The following AGBL4 variants were observed in gnomAD, a reference collection of about 807,000 sequenced individuals.
The protein encoded by AGBL4 is cytosolic carboxypeptidase 6.
AGBL4 carries 58 observed loss-of-function variants against 66.4 expected under a neutral mutation model. The observed-to-expected ratio is 0.87, with a 90% CI of 0.71 to 1.09. AGBL4 has a LOEUF of 1.09. Ranked by LOEUF, AGBL4 falls within the 50% of genes least tolerant of loss-of-function variation. The probability of loss-of-function intolerance (pLI) is 0.00; values close to 1 mark genes in which losing one functional copy is unlikely to be tolerated. For missense variants in AGBL4, 579 were observed against 631.0 expected (o/e 0.92, Z 0.88); for synonymous variants, 234 against 222.9 (o/e 1.05, Z -0.44).
intron 4 of AGBL4, among the ~76,000 whole-genome samples, chr1:49,201,958 G>C (rs532955097): frequency 6.6e-6 from 1 of 151,116 alleles, no homozygotes; most frequent in South Asian, 2.1e-4. Flanking sequence ...CAACCAATGA[G>C]TACCAAAAAA....
chr1:48,878,732 G>A (rs1020332336), intron 5 of AGBL4, among the ~76,000 whole-genome samples: 1 of 152,130 alleles, frequency 6.6e-6, no homozygotes, highest in African/African-American at 2.4e-5. Flanking sequence ...TCTCAGTCAT[G>A]TTTGCTGAAT....
At chr1:49,802,342 G>A (rs1454055125) in intron 2 of AGBL4, among the ~76,000 whole-genome samples, 1 of 152,142 alleles carries the variant, frequency 6.6e-6, no homozygotes, top group Non-Finnish European at 1.5e-5. Flanking sequence ...CCTCTTTAGG[G>A]TTAAGGCATA....
At chr1:49,037,022 G>C (rs1001919006) in intron 5 of AGBL4, among the ~76,000 whole-genome samples, 3 of 151,748 alleles carry the variant, frequency 2.0e-5, no homozygotes, top group Non-Finnish European at 2.9e-5. Context: ...GAAGTTTCTC[G>C]AACGTTAAAA....
chr1:49,356,672 T>C (rs80344104), intron 3 of AGBL4, among the ~76,000 whole-genome samples: 12,221 of 152,184 alleles, frequency 0.08, 686 homozygotes, highest in African/African-American at 0.17. Context: ...AACATCAGGA[T>C]TGATGGGCCC....
intron 5 of AGBL4, among the ~76,000 whole-genome samples, chr1:49,003,227 G>T (rs562122227): frequency 6.6e-6 from 1 of 152,008 alleles, no homozygotes; most frequent in African/African-American, 2.4e-5. Context: ...GTGAAACCCC[G>T]TCTCTACTAA....
At chr1:49,571,505 AAT>A (rs1644330365) in intron 3 of AGBL4, among the ~76,000 whole-genome samples, 1 of 152,094 alleles carries the variant, frequency 6.6e-6, no homozygotes, top group Non-Finnish European at 1.5e-5. Context: ...AATATAAGGT[AAT>A]ATCATCAGCA....
At chr1:48,621,128 T>C (rs905022543) in intron 9 of AGBL4, among the ~76,000 whole-genome samples, 7 of 152,188 alleles carry the variant, frequency 4.6e-5, no homozygotes, top group African/African-American at 1.2e-4. Flanking sequence ...AAATTCCCTA[T>C]TGTACTTACA....
chr1:48,989,269 C>T (rs901743691), intron 5 of AGBL4, among the ~76,000 whole-genome samples: 28 of 152,028 alleles, frequency 1.8e-4, no homozygotes, highest in South Asian at 1.0e-3. Context: ...TATATATTTA[C>T]GGGGTACATG....
intron 3 of AGBL4, among the ~76,000 whole-genome samples, chr1:49,383,910 C>A (rs1344109940): frequency 6.6e-6 from 1 of 151,986 alleles, no homozygotes; most frequent in Admixed American, 6.6e-5. Context: ...GATTCCCCTG[C>A]CTCAGCCTCC....
chr1:48,615,885 G>C (rs549448939), intron 9 of AGBL4, among the ~76,000 whole-genome samples: 1 of 152,182 alleles, frequency 6.6e-6, no homozygotes, highest in South Asian at 2.1e-4. Flanking sequence ...TCAGTGTCTG[G>C]TGAGGACCTG....
At chr1:49,947,459 A>T (rs1273085606) in intron 1 of AGBL4, among the ~76,000 whole-genome samples, 1 of 152,014 alleles carries the variant, frequency 6.6e-6, no homozygotes, top group African/African-American at 2.4e-5. Flanking sequence ...TCATCTTAAT[A>T]GATGCAGCAA....
At chr1:48,705,604 T>C (rs1487498393) in intron 6 of AGBL4, among the ~76,000 whole-genome samples, 1 of 152,200 alleles carries the variant, frequency 6.6e-6, no homozygotes, top group Non-Finnish European at 1.5e-5. Flanking sequence ...AGCTAACTTA[T>C]AGTAGAAATG....
At chr1:49,882,558 T>G (rs1647501952) in intron 1 of AGBL4, among the ~76,000 whole-genome samples, 1 of 152,146 alleles carries the variant, frequency 6.6e-6, no homozygotes, top group Non-Finnish European at 1.5e-5. Flanking sequence ...TCCTCTTTAA[T>G]TTCATTGAGC....
chr1:48,920,340 T>A (rs1029084722), intron 5 of AGBL4, among the ~76,000 whole-genome samples: 1 of 152,196 alleles, frequency 6.6e-6, no homozygotes, highest in Non-Finnish European at 1.5e-5. Context: ...ATTCTCTAAT[T>A]TTTGCTACAA....
intron 3 of AGBL4, among the ~76,000 whole-genome samples, chr1:49,666,170 T>C (rs886887502): frequency 1.3e-5 from 2 of 152,028 alleles, no homozygotes; most frequent in African/African-American, 4.8e-5. Context: ...AACCCTTATC[T>C]TGTATACCCC....
At chr1:49,977,802 T>C (rs942003394) in intron 1 of AGBL4, among the ~76,000 whole-genome samples, 3 of 152,248 alleles carry the variant, frequency 2.0e-5, no homozygotes, top group Admixed American at 2.0e-4. Context: ...ATATTCCTTT[T>C]TTCTTCAAAG....
At chr1:48,750,349 A>G (rs1437518943) in intron 6 of AGBL4, among the ~76,000 whole-genome samples, 1 of 152,170 alleles carries the variant, frequency 6.6e-6, no homozygotes, top group African/African-American at 2.4e-5. Context: ...GTGCCGTCCA[A>G]CCAGAACTAC....
chr1:48,574,704 T>A (rs1196652007), intron 11 of AGBL4, among the ~76,000 whole-genome samples: 1 of 152,040 alleles, frequency 6.6e-6, no homozygotes, highest in East Asian at 1.9e-4. Flanking sequence ...CTCCTGTCTC[T>A]TGAGACATAT....
At chr1:49,786,144 C>T (rs1314883530) in intron 2 of AGBL4, among the ~76,000 whole-genome samples, 1 of 150,728 alleles carries the variant, frequency 6.6e-6, no homozygotes, top group Non-Finnish European at 1.5e-5. Context: ...AATAAATACC[C>T]CAAATTCCAT....
Sources: allele counts gnomAD v4.1 joint callset (sites outside exome capture counted in the v4.1 genomes callset), GRCh38; gene constraint gnomAD v4.1.1; transcripts MANE v1.5; gene names NCBI Gene and HGNC (gene_info 2026-07-23, HGNC 2026-07-21).